The following POT1 variants were observed in gnomAD, a reference collection of about 807,000 sequenced individuals.
POT1 encodes the protein protection of telomeres 1, also known as protection of telomeres protein 1.
In POT1, 47 loss-of-function variants were observed where a neutral mutation model predicts 78.5. The observed-to-expected ratio is 0.60, with a 90% CI of 0.47 to 0.76. POT1 has a LOEUF of 0.76. Among genes scored for constraint, POT1 ranks in the 30% least tolerant of loss-of-function variants. The pLI, the probability that POT1 is intolerant of heterozygous loss-of-function variation, is 0.00. For missense variants in POT1, 646 were observed against 749.9 expected, an observed-to-expected ratio of 0.86 and a Z score of 1.62; for synonymous variants, 259 against 260.7, an observed-to-expected ratio of 0.99 and a Z score of 0.06.
At chr7:124,880,455 TTAAA>T (rs1200973836) in intron 6 of POT1, among the ~76,000 whole-genome samples, 2 of 152,106 alleles carry the variant, frequency 1.3e-5, no homozygotes, top group Non-Finnish European at 2.9e-5. Context: ...AACTTAATGT[TTAAA>T]TAGTTTAATG....
intron 9 of POT1, among the ~76,000 whole-genome samples, chr7:124,856,140 T>C (rs1184445817): frequency 1.3e-5 from 2 of 152,188 alleles, no homozygotes; most frequent in African/African-American, 4.8e-5. Context: ...CATTTTTTCC[T>C]GTTTCTATAC....
intron 14 of POT1, among the ~76,000 whole-genome samples, chr7:124,838,123 A>C (rs962319315): frequency 3.9e-5 from 6 of 152,184 alleles, no homozygotes; most frequent in African/African-American, 1.4e-4. Context: ...TTTCCACCTA[A>C]GACTGGGATA....
chr7:124,908,464 C>T (rs1453498788), intron 3 of POT1, among the ~76,000 whole-genome samples: 1 of 151,952 alleles, frequency 6.6e-6, no homozygotes, highest in East Asian at 1.9e-4. Flanking sequence ...GTGTGACTCA[C>T]TCTGGTATTC....
chr7:124,907,816 C>T (rs1796801465), intron 3 of POT1, among the ~76,000 whole-genome samples: 2 of 151,986 alleles, frequency 1.3e-5, no homozygotes, highest in Non-Finnish European at 2.9e-5. Context: ...CCTAAAACTT[C>T]TTTTAAAAAG....
At chr7:124,907,624 A>G (rs1312577574) in intron 3 of POT1, among the ~76,000 whole-genome samples, 4 of 152,124 alleles carry the variant, frequency 2.6e-5, no homozygotes, top group Non-Finnish European at 5.9e-5. Context: ...CATAGAATGT[A>G]CAACACTGAG....
intron 8 of POT1, among the ~76,000 whole-genome samples, chr7:124,859,723 A>T (rs11770211): frequency 0.43 from 47,395 of 110,092 alleles, 7,505 homozygotes; most frequent in South Asian, 0.49. Flanking sequence ...TTATTTATAT[A>T]AAAAAAAAAA....
intron 6 of POT1, among the ~76,000 whole-genome samples, chr7:124,872,083 A>AT (rs2116571057): frequency 6.6e-6 from 1 of 152,184 alleles, no homozygotes; most frequent in East Asian, 1.9e-4. Context: ...TATAAGATCA[A>AT]TTTTTTAAGA....
At chr7:124,827,727 A>G (rs1306767578) in intron 16 of POT1, among the ~76,000 whole-genome samples, 1 of 152,218 alleles carries the variant, frequency 6.6e-6, no homozygotes, top group Non-Finnish European at 1.5e-5. Context: ...TTTTGATTAA[A>G]TATTAACGTA....
Position 124,874,465 on chromosome 7 carries a change from T to C in POT1, c.125-3424A>G, listed in dbSNP as rs117054049. Among the ~76,000 whole-genome samples, 13 of 152,122 alleles carry C rather than the reference T, an allele frequency of 8.5e-5. No individual in the cohort carries two copies. In the East Asian group the frequency reaches 2.5e-3, roughly 29 times the overall value. ...AAATTACCAGACATTAGAATAAAAA[T>C]GGAAGACACTGTAATCCTAGCACTT... On this transcript the variant is annotated intron_variant, in intron 6 of 18. Coordinates refer to ENST00000357628, the MANE Select transcript of POT1 (RefSeq NM_015450.3).
At chr7:124,846,566 T>C (rs1396328592) in intron 12 of POT1, among the ~76,000 whole-genome samples, 2 of 152,114 alleles carry the variant, frequency 1.3e-5, no homozygotes, top group Non-Finnish European at 2.9e-5. Flanking sequence ...AAATGCATCA[T>C]GTGACAGGAT....
chr7:124,871,031 T>G lies in POT1; in HGVS notation c.135A>C (p.Ser45=). ...PYLSKGTDYC[S]VVTIVDQTNV... is the part of the protein sequence containing the mutation. ...TTGTCTGGTCCACAATAGTTACAAC[T>G]GAGCAATAATCTGGAAAACACAAAA... Residue 45 remains serine, a synonymous_variant, in exon 7 of 19, where the codon TCA becomes TCC. Transcript: ENST00000357628. 1.3e-6 allele frequency: 2 copies of G among 1,583,902 alleles called. No individual in the cohort carries two copies. Among genetic ancestry groups the G allele is most frequent in the Non-Finnish European group, 1.7e-6 (2 of 1,166,024 alleles).
At chr7:124,914,136 G>GGA (rs1554440348) in intron 3 of POT1, among the ~76,000 whole-genome samples, 4 of 111,212 alleles carry the variant, frequency 3.6e-5, no homozygotes, top group African/African-American at 1.0e-4. Flanking sequence ...CTCTGTCTCA[G>GGA]AAAAAAAAAA....
chr7:124,870,892 T>C lies in POT1; in HGVS notation c.255+19A>G, dbSNP rs2116567149. The C allele has an allele frequency of 1.3e-6, 2 of 1,588,722 alleles. No individual in the cohort carries two copies. Among genetic ancestry groups the C allele is most frequent in the Non-Finnish European group, 1.7e-6 (2 of 1,167,392 alleles). On this transcript the variant is annotated intron_variant, in intron 7 of 18. Coordinates refer to ENST00000357628, the MANE Select transcript of POT1 (RefSeq NM_015450.3). ...GTTCTCTTCAAATAAATATAAGTTC[T>C]AGACAATATGAATTATACCTTCAGC...
At chr7:124,864,865 A>AT (rs1224444075) in intron 7 of POT1, among the ~76,000 whole-genome samples, 1 of 152,144 alleles carries the variant, frequency 6.6e-6, no homozygotes, top group Non-Finnish European at 1.5e-5. Context: ...AAAGAAAAAC[A>AT]TTGTGTTTAC....
In POT1 at chr7:124,842,901, G is replaced by A. The variant is rs748578303; in HGVS notation, c.1069C>T (p.Pro357Ser). The change falls in exon 13 of 19, where the codon CCT becomes TCT. Residue 357 changes from proline to serine, a missense_variant. Pro to Ser is a moderately conservative substitution (Grantham distance 74). Transcript: ENST00000357628. The stretch of plus-strand genomic sequence containing the variant: ...TTTGCTCGGATGCGGTATTGTTGAG[G>A]AGCTTTTTGTTTCAAAATGGCACAT... ...PLCAILKQKA[P>S]QQYRIRAKLR... The A allele has an allele frequency of 6.2e-7, 1 of 1,608,792 alleles. No homozygotes were observed. The highest frequency in any genetic ancestry group is 2.2e-5 in the East Asian group (1 of 44,564).
intron 9 of POT1, among the ~76,000 whole-genome samples, chr7:124,853,772 T>A (rs1403289258): frequency 6.6e-6 from 1 of 152,112 alleles, no homozygotes; most frequent in Non-Finnish European, 1.5e-5. Context: ...CTATAGTTAA[T>A]CTCAGATGTT....
chr7:124,877,397 G>A, intron 6 of POT1, among the ~76,000 whole-genome samples: 1 of 151,954 alleles, frequency 6.6e-6, no homozygotes, highest in Admixed American at 6.6e-5. Flanking sequence ...AATACAATGG[G>A]AAAAACCATA....
intron 3 of POT1, among the ~76,000 whole-genome samples, chr7:124,903,121 T>C (rs1296147579): frequency 6.6e-6 from 1 of 152,014 alleles, no homozygotes; most frequent in Non-Finnish European, 1.5e-5. Flanking sequence ...ATCAAAGAGA[T>C]AGAAAGTTAA....
chr7:124,915,791 C>T (rs1240499888), intron 2 of POT1, 145 bp from the exon 3 acceptor site: 1 of 152,050 alleles, frequency 6.6e-6, no homozygotes, highest in Non-Finnish European at 1.5e-5. Flanking sequence ...TATTTTAAGA[C>T]AAGAAACTGT....
Sources: allele counts gnomAD v4.1 joint callset (sites outside exome capture counted in the v4.1 genomes callset), GRCh38; gene constraint gnomAD v4.1.1; transcripts MANE v1.5; gene names NCBI Gene and HGNC (gene_info 2026-07-23, HGNC 2026-07-21).